The following XKR6 variants were observed in gnomAD, a reference collection of about 807,000 sequenced individuals.
The protein encoded by XKR6 is XK related 6, also known as XK-related protein 6.
Under a neutral mutation model 56.7 loss-of-function variants are expected in XKR6, and 22 were observed. The observed-to-expected ratio is 0.39, with a 90% CI of 0.28 to 0.55. The LOEUF (loss-of-function observed/expected upper bound fraction) is 0.55, where lower values mean the gene tolerates loss of function less well. XKR6 is among the 20% of genes least tolerant of loss of function. The probability of loss-of-function intolerance (pLI) is 0.66; values close to 1 mark genes in which losing one functional copy is unlikely to be tolerated. For missense variants in XKR6, 852 were observed against 889.0 expected (o/e 0.96, Z 0.53); for synonymous variants, 524 against 387.8 (o/e 1.35, Z -4.13).
chr8:10,958,319 A>C (rs115264161), intron 1 of XKR6, among the ~76,000 whole-genome samples: 27,361 of 152,154 alleles, frequency 0.18, 3,225 homozygotes, highest in African/African-American at 0.34. Flanking sequence ...CTTGGGGAGC[A>C]TGTGAGTCTT....
At chr8:10,993,535 T>C (rs1267007353) in intron 1 of XKR6, among the ~76,000 whole-genome samples, 2 of 152,198 alleles carry the variant, frequency 1.3e-5, no homozygotes, top group Non-Finnish European at 2.9e-5. Context: ...GTGGACACGC[T>C]GCAGTGCTCA....
chr8:10,999,007 G>T (rs1798179688), intron 1 of XKR6, among the ~76,000 whole-genome samples: 1 of 152,170 alleles, frequency 6.6e-6, no homozygotes, highest in South Asian at 2.1e-4. Context: ...TGATTGTTCT[G>T]AGGGTCAACA....
intron 1 of XKR6, among the ~76,000 whole-genome samples, chr8:11,103,769 C>T (rs118064064): frequency 1.3e-5 from 2 of 152,218 alleles, no homozygotes; most frequent in Non-Finnish European, 2.9e-5. Context: ...AAATACAAAA[C>T]TGCAAATCGA....
intron 1 of XKR6, among the ~76,000 whole-genome samples, chr8:11,031,052 C>T (rs886650223): frequency 2.0e-5 from 3 of 152,190 alleles, no homozygotes; most frequent in South Asian, 2.1e-4. Context: ...AAGCCCATTC[C>T]AGCTAACTGC....
chr8:11,064,927 A>G (rs1365149582), intron 1 of XKR6, among the ~76,000 whole-genome samples: 1 of 152,266 alleles, frequency 6.6e-6, no homozygotes, highest in Non-Finnish European at 1.5e-5. Context: ...CTCAATGGTT[A>G]AAACTAGAAA....
At chr8:11,011,244 T>G (rs1798492536) in intron 1 of XKR6, among the ~76,000 whole-genome samples, 1 of 152,112 alleles carries the variant, frequency 6.6e-6, no homozygotes, top group Non-Finnish European at 1.5e-5. Context: ...AACAATACAG[T>G]GACATCAGTG....
intron 1 of XKR6, among the ~76,000 whole-genome samples, chr8:10,967,878 G>A (rs1004229594): frequency 1.3e-5 from 2 of 152,210 alleles, no homozygotes; most frequent in African/African-American, 2.4e-5. Context: ...CCCTGAGGAT[G>A]CGCTAGAGAG....
At chr8:11,047,435 C>T (rs537849151) in intron 1 of XKR6, among the ~76,000 whole-genome samples, 1 of 152,342 alleles carries the variant, frequency 6.6e-6, no homozygotes, top group African/African-American at 2.4e-5. Flanking sequence ...GATTCCACTA[C>T]TGTGTACATT....
intron 1 of XKR6, among the ~76,000 whole-genome samples, chr8:10,976,001 T>C (rs934361637): frequency 2.0e-4 from 30 of 150,122 alleles, no homozygotes; most frequent in African/African-American, 5.6e-4. Context: ...GGTGAAACCC[T>C]GTCTCTACTA....
chr8:11,037,781 C>T (rs1799182993), intron 1 of XKR6, among the ~76,000 whole-genome samples: 1 of 151,922 alleles, frequency 6.6e-6, no homozygotes, highest in Non-Finnish European at 1.5e-5. Context: ...TCGTTTGAAC[C>T]CAGAAGGCAG....
intron 1 of XKR6, among the ~76,000 whole-genome samples, chr8:11,019,037 G>C (rs1798690297): frequency 6.6e-6 from 1 of 152,126 alleles, no homozygotes; most frequent in South Asian, 2.1e-4. Context: ...CACTCCCCCA[G>C]TTAAAATTTC....
chr8:11,025,792 C>T (rs556161133), intron 1 of XKR6, among the ~76,000 whole-genome samples: 57 of 152,164 alleles, frequency 3.7e-4, no homozygotes, highest in Admixed American at 2.9e-3. Context: ...TGACATTAGC[C>T]CTGCTTGTGG....
At chr8:11,069,046 C>T (rs992699781) in intron 1 of XKR6, among the ~76,000 whole-genome samples, 4 of 152,028 alleles carry the variant, frequency 2.6e-5, no homozygotes, top group African/African-American at 9.7e-5. Context: ...GATTACCGGG[C>T]CTTCCATGTT....
intron 1 of XKR6, among the ~76,000 whole-genome samples, chr8:11,145,064 A>G (rs1800914255): frequency 7.9e-6 from 1 of 127,036 alleles, no homozygotes. Context: ...GAGGAAGGAA[A>G]CAAACTACCT....
intron 1 of XKR6, among the ~76,000 whole-genome samples, chr8:10,958,656 C>T (rs1292790768): frequency 1.3e-5 from 2 of 152,196 alleles, no homozygotes; most frequent in African/African-American, 4.8e-5. Context: ...CAGGCAGGAG[C>T]CTGGACTCAG....
chr8:10,940,062 G>A (rs1333288827), intron 1 of XKR6, among the ~76,000 whole-genome samples: 1 of 152,230 alleles, frequency 6.6e-6, no homozygotes, highest in East Asian at 1.9e-4. Context: ...CACCTTTCCA[G>A]GGAGGGCCTA....
intron 2 of XKR6, among the ~76,000 whole-genome samples, chr8:10,912,853 G>A (rs983697877): frequency 6.8e-5 from 9 of 132,538 alleles, no homozygotes; most frequent in African/African-American, 2.7e-4. Context: ...GAAAGAGATA[G>A]GGTGTGTGTA....
chr8:10,956,186 G>T (rs1016590730), intron 1 of XKR6, among the ~76,000 whole-genome samples: 2 of 152,224 alleles, frequency 1.3e-5, no homozygotes, highest in Non-Finnish European at 2.9e-5. Context: ...AAGGAGCTGG[G>T]ACCCTCTCTT....
At chr8:10,951,813 G>T (rs1801732719) in intron 1 of XKR6, among the ~76,000 whole-genome samples, 1 of 152,128 alleles carries the variant, frequency 6.6e-6, no homozygotes, top group South Asian at 2.1e-4. Flanking sequence ...CTCCTGACCT[G>T]GCCTGAGCTG....
Sources: allele counts gnomAD v4.1 joint callset (sites outside exome capture counted in the v4.1 genomes callset), GRCh38; gene constraint gnomAD v4.1.1; transcripts MANE v1.5; gene names NCBI Gene and HGNC (gene_info 2026-07-23, HGNC 2026-07-21).